FHIT: variants seen among roughly 807,000 people sequenced by gnomAD.
FHIT encodes the protein fragile histidine triad diadenosine triphosphatase.
In FHIT, 19 loss-of-function variants were observed where a neutral mutation model predicts 17.9. The ratio of observed to expected loss-of-function variants is 1.06; its 90% CI spans 0.74 to 1.56. The LOEUF is 1.56. Among genes scored for constraint, FHIT ranks in the 40% most tolerant of loss-of-function variants. The pLI is 0.00. For missense variants in FHIT, 248 were observed against 189.2 expected (o/e 1.31, Z -1.82); for synonymous variants, 81 against 69.7 (o/e 1.16, Z -0.81).
intron 5 of FHIT, among the ~76,000 whole-genome samples, chr3:60,223,394 C>T (rs1704049837): frequency 6.6e-6 from 1 of 152,154 alleles, no homozygotes; most frequent in Admixed American, 6.5e-5. Flanking sequence ...TTCTTGGAAC[C>T]GCTGAATCAT....
rs528689483 is a variant in FHIT at position 60,937,675 on chromosome 3, T to A, written c.-111+104372A>T. On this transcript the variant is annotated intron_variant, in intron 3 of 9. Transcript: ENST00000492590. The stretch of plus-strand genomic sequence containing the variant: ...ACCTCCTAGGTTCAAGCAATTCTCC[T>A]GCCTCAGCCTCCTGAGTAGCTGGGA... Among the ~76,000 whole-genome samples, 333 of 150,618 alleles carry A rather than the reference T, an allele frequency of 2.2e-3. 4 individuals carry two copies. Among genetic ancestry groups the A allele is most frequent in the Middle Eastern group, 0.01 (3 of 292 alleles).
At chr3:60,977,215 G>C (rs1017831338) in intron 3 of FHIT, among the ~76,000 whole-genome samples, 1 of 152,170 alleles carries the variant, frequency 6.6e-6, no homozygotes, top group Admixed American at 6.5e-5. Flanking sequence ...AATTTTCACT[G>C]TTGCTGGAAG....
At chr3:60,173,915 A>ATATATATATATATATATATATTTTTTTTT in intron 5 of FHIT, among the ~76,000 whole-genome samples, 10 of 66,428 alleles carry the variant, frequency 1.5e-4, no homozygotes, top group Admixed American at 2.1e-4. Context: ...ATATATATAT[A>ATATATATATATATATATATATTTTTTTTT]TGTTTTTTTT....
intron 5 of FHIT, among the ~76,000 whole-genome samples, chr3:60,510,895 C>T (rs1447975): frequency 0.11 from 17,100 of 152,166 alleles, 1,162 homozygotes; most frequent in South Asian, 0.24. Flanking sequence ...TTCAATAGTA[C>T]ATAATAGAAT....
chr3:60,868,048 G>C (rs1466082441), intron 3 of FHIT, among the ~76,000 whole-genome samples: 1 of 152,096 alleles, frequency 6.6e-6, no homozygotes, highest in African/African-American at 2.4e-5. Context: ...GACATAGCTT[G>C]TTATGACATA....
intron 4 of FHIT, among the ~76,000 whole-genome samples, chr3:60,548,485 A>G (rs2036442883): frequency 6.6e-6 from 1 of 152,312 alleles, no homozygotes; most frequent in East Asian, 1.9e-4. Flanking sequence ...TAAGAAACCA[A>G]GCTCATGAAG....
At chr3:59,993,089 C>T (rs1391542761) in intron 7 of FHIT, among the ~76,000 whole-genome samples, 1 of 152,086 alleles carries the variant, frequency 6.6e-6, no homozygotes, top group Non-Finnish European at 1.5e-5. Flanking sequence ...TCCCTTTTCT[C>T]TTCTGGTAGA....
At chr3:59,779,012 C>G (rs1702454662) in intron 8 of FHIT, among the ~76,000 whole-genome samples, 1 of 152,158 alleles carries the variant, frequency 6.6e-6, no homozygotes, top group Non-Finnish European at 1.5e-5. Context: ...GGTGGACCTG[C>G]CCTTATTCCA....
At chr3:60,335,119 G>A (rs545414248) in intron 5 of FHIT, among the ~76,000 whole-genome samples, 1 of 152,056 alleles carries the variant, frequency 6.6e-6, no homozygotes, top group Admixed American at 6.6e-5. Context: ...CTATAACAAG[G>A]ACATTCACAC....
chr3:60,917,578 T>G (rs1255133778), intron 3 of FHIT, among the ~76,000 whole-genome samples: 3 of 152,230 alleles, frequency 2.0e-5, no homozygotes, highest in African/African-American at 7.2e-5. Context: ...ATCAAGCACA[T>G]TCCCAACTCA....
At position 61,112,424 on chromosome 3, in the gene FHIT, A is replaced by G. The variant is rs545474781; in HGVS notation, c.-163-70325T>C. ...TGTCCCAGCTGTATTGTCATAACCT[A>G]TAGGGAAGTTCCGCAGTCAGGAAGG... On this transcript the variant is annotated intron_variant, in intron 2 of 9. Coordinates refer to ENST00000492590, the MANE Select transcript of FHIT (RefSeq NM_002012.4). Among the ~76,000 whole-genome samples, 7 of 152,172 alleles carry G rather than the reference A, an allele frequency of 4.6e-5. No individual in the cohort carries two copies. The South Asian group carries it at 1.5e-3, about 32-fold the overall frequency.
intron 2 of FHIT, among the ~76,000 whole-genome samples, chr3:61,173,518 T>C (rs991314366): frequency 2.0e-5 from 3 of 152,212 alleles, no homozygotes; most frequent in Admixed American, 6.5e-5. Context: ...AAGGATAGCA[T>C]TTCACTGTAT....
intron 5 of FHIT, among the ~76,000 whole-genome samples, chr3:60,503,840 G>T (rs921402572): frequency 1.2e-4 from 19 of 152,246 alleles, no homozygotes; most frequent in African/African-American, 4.3e-4. Context: ...GATTAACAGG[G>T]ATTATCTCTG....
chr3:60,581,826 T>G (rs2037757359), intron 4 of FHIT, among the ~76,000 whole-genome samples: 1 of 152,062 alleles, frequency 6.6e-6, no homozygotes, highest in Admixed American at 6.6e-5. Context: ...GTATCAAAGA[T>G]TCTTTTTTCA....
At chr3:60,301,375 C>T (rs1708453794) in intron 5 of FHIT, among the ~76,000 whole-genome samples, 2 of 152,120 alleles carry the variant, frequency 1.3e-5, no homozygotes, top group African/African-American at 4.8e-5. Context: ...TGCATTATGA[C>T]TCATGAAACA....
chr3:60,057,615 C>A (rs1283460632), intron 5 of FHIT, among the ~76,000 whole-genome samples: 1 of 151,986 alleles, frequency 6.6e-6, no homozygotes, highest in African/African-American at 2.4e-5. Flanking sequence ...TAGAAATTGA[C>A]CTTTGTGGTC....
intron 3 of FHIT, among the ~76,000 whole-genome samples, chr3:60,857,995 T>C (rs1337992921): frequency 6.6e-6 from 1 of 152,188 alleles, no homozygotes; most frequent in Non-Finnish European, 1.5e-5. Flanking sequence ...AGTATTACTA[T>C]GGGTGTTATT....
At position 60,155,043 on chromosome 3, in the gene FHIT, A is replaced by C. The variant is rs73097555; in HGVS notation, c.104-140891T>G. 1.8e-3 allele frequency among the ~76,000 whole-genome samples: 274 copies of C among 152,090 alleles called. 1 individual carries two copies. The highest frequency in any genetic ancestry group is 2.8e-3 in the Non-Finnish European group (192 of 68,008). ...AGTGAGATCCCAGTTTTACAAAAAA[A>C]AATTAGCCAGGCATGCACCTGTACT... is the stretch of plus-strand genomic sequence containing the variant. On this transcript the variant is annotated intron_variant, in intron 5 of 9. Transcript: ENST00000492590.
At chr3:60,289,439 T>C (rs1019839755) in intron 5 of FHIT, among the ~76,000 whole-genome samples, 1 of 152,164 alleles carries the variant, frequency 6.6e-6, no homozygotes, top group African/African-American at 2.4e-5. Flanking sequence ...TCAAAGATCC[T>C]TGTGGATTAT....
Sources: gnomAD v4.1 joint callset for allele counts (sites outside exome capture counted in the v4.1 genomes callset) on GRCh38, gnomAD v4.1.1 for gene constraint, MANE v1.5 for transcripts, NCBI Gene and HGNC (gene_info 2026-07-23, HGNC 2026-07-21) for gene names.